GSG1L: variants seen among roughly 807,000 people sequenced by gnomAD.
GSG1L encodes germ cell-specific gene 1-like protein.
In GSG1L, 24 loss-of-function variants were observed where a neutral mutation model predicts 42.1. The observed-to-expected ratio is 0.57, with a 90% confidence interval of 0.41 to 0.80. The LOEUF is 0.80. Ranked by LOEUF, GSG1L falls within the 30% of genes least tolerant of loss-of-function variation. GSG1L has a pLI of 0.00. For synonymous variants in GSG1L, 215 were observed against 203.5 expected (o/e 1.06, Z -0.48); for missense variants, 445 against 472.2 (o/e 0.94, Z 0.53).
chr16:27,990,672 T>C (rs1288504372), intron 1 of GSG1L, among the ~76,000 whole-genome samples: 2 of 152,232 alleles, frequency 1.3e-5, no homozygotes, highest in African/African-American at 2.4e-5. Flanking sequence ...ACCCAATTCA[T>C]ACAGGTAGTT....
chr16:27,821,860 C>T (rs928742430), intron 5 of GSG1L, among the ~76,000 whole-genome samples: 16 of 152,118 alleles, frequency 1.1e-4, no homozygotes, highest in African/African-American at 3.1e-4. Flanking sequence ...GCAGAGATCA[C>T]GCCACTGCAC....
At chr16:28,019,152 T>C (rs1359580665) in intron 1 of GSG1L, among the ~76,000 whole-genome samples, 1 of 152,122 alleles carries the variant, frequency 6.6e-6, no homozygotes, top group Non-Finnish European at 1.5e-5. Context: ...CCCAGGAAGT[T>C]AGGCATTCTA....
chr16:28,005,175 G>A (rs912687774), intron 1 of GSG1L, among the ~76,000 whole-genome samples: 2 of 152,106 alleles, frequency 1.3e-5, no homozygotes, highest in Non-Finnish European at 2.9e-5. Context: ...GTGCAATGGT[G>A]CGATCTCAGC....
intron 2 of GSG1L, among the ~76,000 whole-genome samples, chr16:27,897,281 A>C (rs1386232535): frequency 6.6e-6 from 1 of 151,928 alleles, no homozygotes; most frequent in Non-Finnish European, 1.5e-5. Flanking sequence ...CAGCAAGAGG[A>C]AACTAATACA....
intron 2 of GSG1L, among the ~76,000 whole-genome samples, chr16:27,910,540 G>A (rs950767976): frequency 6.6e-6 from 1 of 152,180 alleles, no homozygotes; most frequent in African/African-American, 2.4e-5. Flanking sequence ...ACCAAGGTTT[G>A]AACCAGGCCA....
At chr16:27,883,088 C>T (rs1019179069) in intron 3 of GSG1L, among the ~76,000 whole-genome samples, 1 of 144,920 alleles carries the variant, frequency 6.9e-6, no homozygotes, top group African/African-American at 2.6e-5. Context: ...CACTGCTCTC[C>T]AGCCTAGGCA....
chr16:27,844,879 G>T, intron 4 of GSG1L, 71 bp downstream of exon 4: 2 of 588,618 alleles, frequency 3.4e-6, no homozygotes, highest in Non-Finnish European at 2.9e-6. Context: ...CCACTGGGCT[G>T]AGCTGCTGAA....
chr16:28,062,291 G>A (rs1409557660), intron 1 of GSG1L, among the ~76,000 whole-genome samples: 1 of 152,222 alleles, frequency 6.6e-6, no homozygotes, highest in Non-Finnish European at 1.5e-5. Flanking sequence ...AGAGGAGGGG[G>A]TCCAGGCAAA....
chr16:27,800,643 A>G (rs1380275090), intron 6 of GSG1L, among the ~76,000 whole-genome samples: 1 of 152,194 alleles, frequency 6.6e-6, no homozygotes, highest in Admixed American at 6.5e-5. Flanking sequence ...TTATAGCCAA[A>G]TCCATATCAC....
At chr16:27,995,085 C>T (rs2085500786) in intron 1 of GSG1L, among the ~76,000 whole-genome samples, 1 of 152,130 alleles carries the variant, frequency 6.6e-6, no homozygotes, top group Non-Finnish European at 1.5e-5. Flanking sequence ...TTCAGGGGAC[C>T]ACCACGCATC....
At chr16:27,822,093 AG>A (rs1038429053) in intron 5 of GSG1L, among the ~76,000 whole-genome samples, 54 of 124,652 alleles carry the variant, frequency 4.3e-4, no homozygotes, top group Non-Finnish European at 7.0e-4. Context: ...GGATGGGGTG[AG>A]GGGGGCGGGG....
chr16:27,861,282 C>A (rs1398276169), intron 3 of GSG1L, among the ~76,000 whole-genome samples: 1 of 152,060 alleles, frequency 6.6e-6, no homozygotes, highest in Non-Finnish European at 1.5e-5. Flanking sequence ...GAGGCTAAGG[C>A]ACGAGAATCG....
At chr16:27,980,901 CAA>C (rs11390148) in intron 1 of GSG1L, among the ~76,000 whole-genome samples, 13 of 127,032 alleles carry the variant, frequency 1.0e-4, no homozygotes, top group African/African-American at 1.2e-4. Flanking sequence ...AACCAAAAAA[CAA>C]AAAAAAAAAA....
intron 1 of GSG1L, among the ~76,000 whole-genome samples, chr16:27,968,657 G>A (rs951696661): frequency 6.6e-6 from 1 of 152,112 alleles, no homozygotes; most frequent in African/African-American, 2.4e-5. Context: ...TGCCTCCTGA[G>A]CCTAAGAAAG....
chr16:27,915,798 A>G (rs968136905), intron 2 of GSG1L, among the ~76,000 whole-genome samples: 3 of 152,198 alleles, frequency 2.0e-5, no homozygotes, highest in Non-Finnish European at 4.4e-5. Context: ...AAAAAATAAT[A>G]ATAATAAATA....
intron 1 of GSG1L, among the ~76,000 whole-genome samples, chr16:27,967,782 A>G (rs1413310299): frequency 1.3e-5 from 2 of 152,180 alleles, no homozygotes; most frequent in Non-Finnish European, 2.9e-5. Flanking sequence ...GTGTGTTGGC[A>G]TATGCCTGTA....
At chr16:27,966,859 G>A (rs1023386157) in intron 1 of GSG1L, among the ~76,000 whole-genome samples, 1 of 152,206 alleles carries the variant, frequency 6.6e-6, no homozygotes, top group African/African-American at 2.4e-5. Context: ...AGAAGATCCA[G>A]CTGTGCTGAG....
intron 2 of GSG1L, among the ~76,000 whole-genome samples, chr16:27,921,050 C>T (rs1186073440): frequency 6.6e-6 from 1 of 152,150 alleles, no homozygotes; most frequent in Non-Finnish European, 1.5e-5. Context: ...CATCAATCCA[C>T]CTGGTGAACA....
chr16:27,981,093 A>C lies in GSG1L; in HGVS notation c.350-17890T>G, dbSNP rs2085321557. 2.6e-5 allele frequency among the ~76,000 whole-genome samples: 4 copies of C among 152,012 alleles called. No homozygotes were observed. The South Asian group carries it at 6.2e-4, about 24-fold the overall frequency. ...GAGCAGGCAGGTCCTAGTAAAATTC[A>C]TTCCTCCTAAGGAAAGTCCCACACA... On this transcript the variant is annotated intron_variant, in intron 1 of 6. Transcript: ENST00000447459.
Sources: gnomAD v4.1 joint callset for allele counts (sites outside exome capture counted in the v4.1 genomes callset) on GRCh38, gnomAD v4.1.1 for gene constraint, MANE v1.5 for transcripts, NCBI Gene and HGNC (gene_info 2026-07-23, HGNC 2026-07-21) for gene names.